Variants in DMD observed in about 807,000 individuals in gnomAD.
The protein encoded by DMD is dystrophin.
DMD carries 63 observed loss-of-function variants against 330.1 expected under a neutral mutation model. The ratio of observed to expected loss-of-function variants is 0.19; its 90% CI spans 0.16 to 0.24. The LOEUF (loss-of-function observed/expected upper bound fraction) is 0.24, where lower values mean the gene tolerates loss of function less well. Among genes scored for constraint, DMD ranks in the 10% least tolerant of loss-of-function variants. The pLI, the probability that DMD is intolerant of heterozygous loss-of-function variation, is 1.00. For synonymous variants in DMD, 1,223 were observed against 959.8 expected (o/e 1.27, Z -5.07); for missense variants, 3,344 against 2,684.1 (o/e 1.25, Z -5.43).
chrX:32,461,205 C>A (rs186642132), intron 25 of DMD, among the ~76,000 whole-genome samples: 1 of 111,715 alleles, frequency 9.0e-6, no homozygotes, highest in Admixed American at 9.5e-5. Context: ...CTTATTTTGT[C>A]TGTAGATATT....
At chrX:31,434,896 A>T (rs1366487975) in intron 60 of DMD, among the ~76,000 whole-genome samples, 1 of 112,012 alleles carries the variant, frequency 8.9e-6, no homozygotes, top group Non-Finnish European at 1.9e-5. Flanking sequence ...ATTCCTGACA[A>T]ATTAATAAAT....
At chrX:32,487,938 T>C (rs1468428464) in intron 20 of DMD, among the ~76,000 whole-genome samples, 1 of 111,886 alleles carries the variant, frequency 8.9e-6, no homozygotes, top group Non-Finnish European at 1.9e-5. Flanking sequence ...ATAATTTGTA[T>C]GCTAGATTTA....
chrX:32,935,512 C>T (rs1245311011), intron 2 of DMD, among the ~76,000 whole-genome samples: 1 of 111,841 alleles, frequency 8.9e-6, no homozygotes, highest in African/African-American at 3.2e-5. Context: ...ATTTATACTG[C>T]TATATAATAT....
At chrX:32,084,687 A>C (rs1034217282) in intron 44 of DMD, among the ~76,000 whole-genome samples, 3 of 111,799 alleles carry the variant, frequency 2.7e-5, no homozygotes, top group African/African-American at 9.8e-5. Flanking sequence ...GATACTTAGT[A>C]GCTCAGTTGC....
intron 60 of DMD, among the ~76,000 whole-genome samples, chrX:31,393,534 T>C (rs2060782247): frequency 9.3e-6 from 1 of 107,948 alleles, no homozygotes; most frequent in Admixed American, 9.9e-5. Flanking sequence ...AAATCAAATA[T>C]TCCATAGGAT....
At chrX:31,368,837 G>T (rs1249960964) in intron 60 of DMD, among the ~76,000 whole-genome samples, 1 of 110,812 alleles carries the variant, frequency 9.0e-6, no homozygotes, top group African/African-American at 3.3e-5. Context: ...GTAGAGACAG[G>T]GTTTCACCAT....
chrX:33,056,192 T>A (rs999830715), intron 1 of DMD, among the ~76,000 whole-genome samples: 1 of 110,537 alleles, frequency 9.0e-6, no homozygotes, highest in Non-Finnish European at 1.9e-5. Context: ...CAGCAAGATG[T>A]TCCCTTAGGT....
chrX:32,855,718 G>C (rs1439324016), intron 2 of DMD, among the ~76,000 whole-genome samples: 7 of 111,827 alleles, frequency 6.3e-5, no homozygotes, highest in Non-Finnish European at 3.8e-5. Flanking sequence ...ACTACTACAA[G>C]AAATCATTGG....
At chrX:32,795,374 G>A (rs988131490) in intron 7 of DMD, among the ~76,000 whole-genome samples, 1 of 112,033 alleles carries the variant, frequency 8.9e-6, no homozygotes, top group African/African-American at 3.2e-5. Flanking sequence ...TAGGGGGAAG[G>A]ACACCTTCTT....
In DMD at chrX:33,028,576, T is replaced by A. The variant is rs529758584; in HGVS notation, c.32-8376A>T. 1.5e-4 allele frequency among the ~76,000 whole-genome samples: 17 copies of A among 112,139 alleles called. 1 individual carries two copies. The South Asian group carries it at 6.2e-3, about 41-fold the overall frequency. Reference sequence around the variant, plus strand: ...GCCAAATTTCTCCATAAATAAATCATATGCTTTCTTGCTTTAGTCCTTTGT... The same window carrying A: ...GCCAAATTTCTCCATAAATAAATCAAATGCTTTCTTGCTTTAGTCCTTTGT... On this transcript the variant is annotated intron_variant, in intron 1 of 78. Coordinates refer to ENST00000357033, the MANE Select transcript of DMD (RefSeq NM_004006.3).
At chrX:32,605,585 A>C (rs1011761721) in intron 12 of DMD, among the ~76,000 whole-genome samples, 2 of 110,665 alleles carry the variant, frequency 1.8e-5, no homozygotes, top group African/African-American at 6.5e-5. Context: ...AACAAACAAA[A>C]AAACAAAAAA....
chrX:31,294,896 C>T lies in DMD; in HGVS notation c.9224+28702G>A, dbSNP rs377348711. On this transcript the variant is annotated intron_variant, in intron 62 of 78. Coordinates refer to ENST00000357033, the MANE Select transcript of DMD (RefSeq NM_004006.3). The stretch of plus-strand genomic sequence containing the variant: ...GTGTTGATTGAAGAGTGCAGATCCA[C>T]GTGATTCTCTTAGTGTCATATTCAT... 8.0e-5 allele frequency among the ~76,000 whole-genome samples: 9 copies of T among 112,385 alleles called. No individual in the cohort carries two copies. The South Asian group carries it at 1.1e-3, about 14-fold the overall frequency.
rs940217014 is a variant in DMD, at chrX:32,441,242, A to G, written c.3859T>C (p.Phe1287Leu). 3 of 1,207,067 alleles carry G rather than the reference A, an allele frequency of 2.5e-6. No homozygotes were observed. Among genetic ancestry groups the G allele is most frequent in the Non-Finnish European group, 3.4e-6 (3 of 892,812 alleles). ...ATGTTTTCAGTGGTTTTAAGTTTAA[A>G]TTCTACTTCATTTAGCCACTTGTTT... is the stretch of plus-strand genomic sequence containing the variant. ...KANKWLNEVE[F>L]KLKTTENIPG... The change falls in exon 28 of 79, where the codon TTT (phenylalanine) becomes CTT (leucine). Residue 1287 changes from phenylalanine to leucine, a missense_variant. Phe to Leu is a conservative substitution (Grantham distance 22). Transcript: ENST00000357033.
intron 62 of DMD, among the ~76,000 whole-genome samples, chrX:31,323,368 C>A (rs1019192214): frequency 1.8e-5 from 2 of 112,147 alleles, no homozygotes; most frequent in Admixed American, 1.9e-4. Flanking sequence ...TCACAAAACA[C>A]ACCATATATC....
intron 22 of DMD, 76 bp from the exon 23 acceptor site, chrX:32,468,786 A>C: frequency 2.4e-6 from 2 of 847,260 alleles, no homozygotes; most frequent in Non-Finnish European, 3.4e-6. Flanking sequence ...AATTAACTGT[A>C]CTTGAAATCT....
intron 41 of DMD, among the ~76,000 whole-genome samples, chrX:32,339,072 C>A (rs926123442): frequency 1.8e-5 from 2 of 111,679 alleles, no homozygotes; most frequent in African/African-American, 6.5e-5. Context: ...ACGAAGAAAA[C>A]TTTCATGCAT....
intron 50 of DMD, among the ~76,000 whole-genome samples, chrX:31,813,049 CT>C (rs1186144602): frequency 8.9e-6 from 1 of 111,829 alleles, no homozygotes; most frequent in Non-Finnish European, 1.9e-5. Context: ...TCAGTTGTAT[CT>C]CAGCAGGGAA....
At chrX:32,919,518 AT>A (rs748851663) in intron 2 of DMD, among the ~76,000 whole-genome samples, 6 of 111,885 alleles carry the variant, frequency 5.4e-5, no homozygotes, top group African/African-American at 1.6e-4. Context: ...TAGCTCTTTT[AT>A]TTTTTATGTT....
At chrX:32,860,606 G>A (rs1186336191) in intron 2 of DMD, among the ~76,000 whole-genome samples, 1 of 110,827 alleles carries the variant, frequency 9.0e-6, no homozygotes, top group East Asian at 2.8e-4. Context: ...TTAAATATGA[G>A]TTGGAAAAGG....
Sources: allele counts gnomAD v4.1 joint callset (sites outside exome capture counted in the v4.1 genomes callset), GRCh38; gene constraint gnomAD v4.1.1; transcripts MANE v1.5; gene names NCBI Gene and HGNC (gene_info 2026-07-23, HGNC 2026-07-21).